MRPS5: variants seen among roughly 807,000 people sequenced by gnomAD.
The protein encoded by MRPS5 is mitochondrial ribosomal protein S5, also known as small ribosomal subunit protein uS5m.
A neutral mutation model predicts 51.9 loss-of-function variants in MRPS5; 27 were observed. The observed-to-expected ratio is 0.52, with a 90% CI of 0.38 to 0.72. The LOEUF is 0.72. MRPS5 is among the 30% of genes least tolerant of loss of function. MRPS5 has a pLI of 0.00. For synonymous variants in MRPS5, 196 were observed against 193.2 expected (o/e 1.01, Z -0.12); for missense variants, 570 against 545.7 (o/e 1.04, Z -0.44).
In MRPS5 at chr2:95,104,590, G is replaced by A. The variant is rs377676720; in HGVS notation, c.763+50C>T. ...GGCTCCACAGCATGGCCCGTGCCACGCCTTTCCCTGCACACCACCGCCACT... is the reference window on the plus strand; with the variant it reads ...GGCTCCACAGCATGGCCCGTGCCACACCTTTCCCTGCACACCACCGCCACT... On this transcript the variant is annotated intron_variant, in intron 7 of 11. Coordinates refer to ENST00000272418, the MANE Select transcript of MRPS5 (RefSeq NM_031902.5). 1.6e-5 allele frequency: 25 copies of A among 1,587,876 alleles called. No individual in the cohort carries two copies. In the East Asian group the frequency reaches 1.8e-4, roughly 11 times the overall value.
chr2:95,116,855 G>A (rs551006490), intron 2 of MRPS5, among the ~76,000 whole-genome samples: 40 of 152,266 alleles, frequency 2.6e-4, no homozygotes, highest in Non-Finnish European at 5.3e-4. Flanking sequence ...AAATTAGCTG[G>A]GTGTGGTGGC....
At chr2:95,110,435 TAAGTTTTC>T in intron 3 of MRPS5, among the ~76,000 whole-genome samples, 1 of 152,210 alleles carries the variant, frequency 6.6e-6, no homozygotes. Flanking sequence ...TTCCTAAGTA[TAAGTTTTC>T]TAGTCCAAAC....
intron 11 of MRPS5, among the ~76,000 whole-genome samples, chr2:95,089,544 T>G (rs1475476463): frequency 6.6e-6 from 1 of 152,112 alleles, no homozygotes; most frequent in Non-Finnish European, 1.5e-5. Flanking sequence ...CCCTCCATGG[T>G]GGGTGATTGG....
chr2:95,113,520 T>C (rs1394792691), intron 3 of MRPS5, among the ~76,000 whole-genome samples: 1 of 152,058 alleles, frequency 6.6e-6, no homozygotes, highest in African/African-American at 2.4e-5. Context: ...TTCCCAAGGC[T>C]TGTAAATCTG....
At chr2:95,104,126 C>T in intron 7 of MRPS5, 1 of 159,832 alleles carries the variant, frequency 6.3e-6, no homozygotes, top group Admixed American at 5.9e-5. Flanking sequence ...CACTATTAAC[C>T]TTTACAGTGT....
intron 10 of MRPS5, among the ~76,000 whole-genome samples, chr2:95,094,864 A>G (rs1031796943): frequency 3.9e-5 from 6 of 152,254 alleles, no homozygotes; most frequent in African/African-American, 1.4e-4. Context: ...TGACTGGATC[A>G]AATTCACACA....
intron 2 of MRPS5, among the ~76,000 whole-genome samples, chr2:95,115,970 G>A (rs536553326): frequency 8.0e-5 from 12 of 150,648 alleles, no homozygotes; most frequent in South Asian, 2.1e-4. Context: ...GCAGTGGCGC[G>A]ATGTCAGCTC....
intron 11 of MRPS5, 142 bp downstream of exon 11, chr2:95,090,244 C>T: frequency 3.3e-6 from 2 of 599,208 alleles, no homozygotes; most frequent in Non-Finnish European, 5.7e-6. Flanking sequence ...TAAACTGATG[C>T]AGTCACAGAC....
intron 10 of MRPS5, among the ~76,000 whole-genome samples, chr2:95,096,205 C>T (rs1404903639): frequency 2.0e-5 from 3 of 152,110 alleles, no homozygotes; most frequent in Non-Finnish European, 4.4e-5. Flanking sequence ...AGCCTACCAA[C>T]CAAAAAAAGT....
intron 6 of MRPS5, among the ~76,000 whole-genome samples, chr2:95,105,194 G>A (rs1046559294): frequency 6.6e-6 from 1 of 152,102 alleles, no homozygotes; most frequent in African/African-American, 2.4e-5. Flanking sequence ...TGGCCTCTAC[G>A]CTAAGGATTA....
At chr2:95,112,179 C>G in intron 3 of MRPS5, among the ~76,000 whole-genome samples, 1 of 152,138 alleles carries the variant, frequency 6.6e-6, no homozygotes, top group Admixed American at 6.5e-5. Context: ...ATTCTCCTGC[C>G]TCAGCCTCCC....
intron 1 of MRPS5, 112 bp downstream of exon 1, chr2:95,121,622 A>G (rs1233056958): frequency 8.2e-7 from 1 of 1,221,558 alleles, no homozygotes; most frequent in Non-Finnish European, 1.1e-6. Context: ...CGGCGTGAAG[A>G]GCCGGGGGCC....
intron 3 of MRPS5, among the ~76,000 whole-genome samples, chr2:95,114,004 CA>C (rs1676206040): frequency 6.7e-6 from 1 of 150,364 alleles, no homozygotes. Context: ...CCTGTAGTCC[CA>C]GCTACTTGGG....
At chr2:95,100,358 C>T in intron 10 of MRPS5, 116 bp downstream of exon 10, 1 of 705,964 alleles carries the variant, frequency 1.4e-6, no homozygotes, top group Middle Eastern at 2.6e-4. Context: ...AAGCCTTTTA[C>T]ATTTTGGTGT....
intron 7 of MRPS5, among the ~76,000 whole-genome samples, chr2:95,103,250 C>T (rs1675854474): frequency 6.6e-6 from 1 of 152,118 alleles, no homozygotes; most frequent in African/African-American, 2.4e-5. Context: ...GAGCTTATAC[C>T]ATTCAATAAG....
chr2:95,118,483 C>T (rs1184219735), intron 1 of MRPS5, among the ~76,000 whole-genome samples: 1 of 152,266 alleles, frequency 6.6e-6, no homozygotes, highest in Non-Finnish European at 1.5e-5. Context: ...TCCCTCTGGC[C>T]ATGCCAGACT....
chr2:95,109,592 T>C (rs1240989850), intron 4 of MRPS5, among the ~76,000 whole-genome samples: 4 of 152,268 alleles, frequency 2.6e-5, no homozygotes, highest in Non-Finnish European at 5.9e-5. Flanking sequence ...ACATTTACTA[T>C]CTTCCCTTTG....
intron 11 of MRPS5, 116 bp from the exon 12 acceptor site, chr2:95,087,697 T>A: frequency 1.2e-6 from 1 of 829,406 alleles, no homozygotes; most frequent in Non-Finnish European, 1.9e-6. Context: ...GCCATTTCAG[T>A]GGATTTGGGT....
At chr2:95,090,075 G>A (rs1309376692) in intron 11 of MRPS5, among the ~76,000 whole-genome samples, 1 of 150,186 alleles carries the variant, frequency 6.7e-6, no homozygotes, top group Non-Finnish European at 1.5e-5. Flanking sequence ...TACTTGGGAG[G>A]CTGAGGCAGG....
Sources: allele counts gnomAD v4.1 joint callset (sites outside exome capture counted in the v4.1 genomes callset), GRCh38; gene constraint gnomAD v4.1.1; transcripts MANE v1.5; gene names NCBI Gene and HGNC (gene_info 2026-07-23, HGNC 2026-07-21).